Variants in DZIP1L observed in about 807,000 individuals in gnomAD.
DZIP1L encodes DAZ interacting zinc finger protein 1 like.
Under a neutral mutation model 88.7 loss-of-function variants are expected in DZIP1L, and 90 were observed. The ratio of observed to expected loss-of-function variants is 1.02; its 90% confidence interval spans 0.86 to 1.21. The LOEUF (loss-of-function observed/expected upper bound fraction) is 1.21, where lower values mean the gene tolerates loss of function less well. Ranked by LOEUF, DZIP1L falls within the 50% of genes most tolerant of loss-of-function variation. DZIP1L has a pLI of 0.00. For missense variants in DZIP1L, 932 were observed against 955.8 expected (o/e 0.98, Z 0.33); for synonymous variants, 363 against 372.1 (o/e 0.98, Z 0.28).
At position 138,067,640 on chromosome 3, in the gene DZIP1L, T is replaced by C. The variant is rs1942969814; in HGVS notation, c.1893A>G (p.Leu631=). Residue 631 remains leucine, a synonymous_variant, in exon 14 of 16, where the codon CTA becomes CTG. Coordinates refer to ENST00000327532, the MANE Select transcript of DZIP1L (RefSeq NM_173543.3). The part of the protein sequence containing the change: ...SEGDRVQRVS[L]QPPKVPSRMV... Reference sequence around the variant, plus strand: ...TCCTGGAAGGAACTTTTGGGGGCTGTAGAGACACACGCTGCACACGGTCTC... The same window carrying C: ...TCCTGGAAGGAACTTTTGGGGGCTGCAGAGACACACGCTGCACACGGTCTC... The C allele has an allele frequency of 1.2e-6, 2 of 1,610,532 alleles. No homozygotes were observed. The highest frequency in any genetic ancestry group is 1.7e-6 in the Non-Finnish European group (2 of 1,178,382).
At chr3:138,109,482 C>A (rs552358886) in intron 1 of DZIP1L, among the ~76,000 whole-genome samples, 49 of 152,240 alleles carry the variant, frequency 3.2e-4, no homozygotes, top group African/African-American at 1.0e-3. Flanking sequence ...TGTTTCAAGG[C>A]CCTGCTTATA....
Position 138,086,991 on chromosome 3 carries a change from C to T in DZIP1L, c.1032G>A (p.Leu344=). Residue 344 remains leucine, a synonymous_variant, in exon 7 of 16, where the codon CTG becomes CTA. Coordinates refer to ENST00000327532, the MANE Select transcript of DZIP1L (RefSeq NM_173543.3). ...KTEWKRKVKE[L]HEEHMAEKKE... ...TCTTCTCAGCCATGTGCTCTTCATG[C>T]AGTTCCTTCACTTTTCTTTTCCACT... is the stretch of plus-strand genomic sequence containing the variant. 1.2e-6 allele frequency: 2 copies of T among 1,614,098 alleles called. No homozygotes were observed. Among genetic ancestry groups the T allele is most frequent in the South Asian group, 1.1e-5 (1 of 91,056 alleles).
At chr3:138,093,136 T>C (rs1382289430) in intron 4 of DZIP1L, among the ~76,000 whole-genome samples, 1 of 152,212 alleles carries the variant, frequency 6.6e-6, no homozygotes, top group Non-Finnish European at 1.5e-5. Context: ...TCTTAAATAA[T>C]AAAACTTGGA....
chr3:138,105,022 ATG>A (rs990562940), intron 1 of DZIP1L, among the ~76,000 whole-genome samples: 25 of 152,332 alleles, frequency 1.6e-4, no homozygotes, highest in Middle Eastern at 6.8e-3. Flanking sequence ...GCAAAGTACA[ATG>A]TATCTCTATG....
In DZIP1L at chr3:138,101,862, C is replaced by T. The variant is rs1475299790; in HGVS notation, c.501+1609G>A. 2.9e-6 allele frequency: 4 copies of T among 1,375,060 alleles called. No individual in the cohort carries two copies. In the African/African-American group the frequency reaches 4.3e-5, roughly 15 times the overall value. 85.2% of individuals were successfully genotyped at this position (1,375,060 alleles called of 1,614,324 possible). ...CCTGCTTGGCCCGCTGCAGGGCGCCCTCCAGCTCGGACAGCTTGGCGTTGG... is the reference window on the plus strand; with the variant it reads ...CCTGCTTGGCCCGCTGCAGGGCGCCTTCCAGCTCGGACAGCTTGGCGTTGG... On this transcript the variant is annotated intron_variant, in intron 2 of 15. Transcript: ENST00000327532.
intron 10 of DZIP1L, among the ~76,000 whole-genome samples, chr3:138,078,244 T>C (rs1943502186): frequency 6.6e-6 from 1 of 152,184 alleles, no homozygotes; most frequent in South Asian, 2.1e-4. Context: ...CCTCCTACGG[T>C]GTTCTTCAGG....
chr3:138,113,423 G>GTCTC (rs1381583328), intron 1 of DZIP1L: 2 of 152,186 alleles, frequency 1.3e-5, no homozygotes, highest in Non-Finnish European at 2.9e-5. Context: ...GCAGTCAAGA[G>GTCTC]GAGAACTTGA....
intron 5 of DZIP1L, chr3:138,088,808 C>T: frequency 9.7e-7 from 1 of 1,032,402 alleles, no homozygotes; most frequent in Non-Finnish European, 1.2e-6. Flanking sequence ...TGACTGCTGC[C>T]CCATTTCTTC....
intron 2 of DZIP1L, chr3:138,102,411 C>T: frequency 7.3e-7 from 1 of 1,378,260 alleles, no homozygotes; most frequent in African/African-American, 1.4e-5. Flanking sequence ...CACCCAGCCC[C>T]TGCATGTTGC....
chr3:138,105,150 T>C (rs1430147467), intron 1 of DZIP1L, among the ~76,000 whole-genome samples: 4 of 152,074 alleles, frequency 2.6e-5, no homozygotes, highest in Non-Finnish European at 4.4e-5. Flanking sequence ...CATATATACC[T>C]CTATTTCTGT....
At chr3:138,100,211 G>A (rs1172953624) in intron 2 of DZIP1L, among the ~76,000 whole-genome samples, 1 of 152,204 alleles carries the variant, frequency 6.6e-6, no homozygotes, top group East Asian at 1.9e-4. Flanking sequence ...AATGGCCAAT[G>A]ATTTAATCAA....
chr3:138,081,588 G>T, intron 9 of DZIP1L, 146 bp downstream of exon 9: 2 of 740,334 alleles, frequency 2.7e-6, no homozygotes, highest in Non-Finnish European at 2.1e-6. Flanking sequence ...TGCAGCCTGT[G>T]TGGCCCAGAA....
Position 138,103,611 on chromosome 3 carries a change from G to T in DZIP1L, c.361C>A (p.Gln121Lys). Residue 121 changes from glutamine to lysine, a missense_variant, in exon 2 of 16, where the codon CAG (glutamine) becomes AAG (lysine). Gln to Lys is a moderately conservative substitution (Grantham distance 53). Transcript: ENST00000327532. ...AGCTCCTGCTGACCACGCTGCTGCT[G>T]GCCCAGGCTGGTCTGCAGCCGTGCC... The part of the protein sequence containing the change: ...LEARLQTSLG[Q>K]QQRGQQELGR... 6.2e-7 allele frequency: 1 copy of T among 1,606,460 alleles called. No individual in the cohort carries two copies. The highest frequency in any genetic ancestry group is 8.5e-7 in the Non-Finnish European group (1 of 1,179,216).
chr3:138,062,281 C>T lies in DZIP1L; in HGVS notation c.*535G>A, dbSNP rs1942741794. 6.5e-6 allele frequency: 1 copy of T among 154,164 alleles called. No individual in the cohort carries two copies. The highest frequency in any genetic ancestry group is 1.4e-5 in the Non-Finnish European group (1 of 69,282). 9.5% of individuals were successfully genotyped at this position (154,164 alleles called of 1,614,324 possible). ...CCTGTTCTCTGTCACTAGATTACTA[C>T]CTTGTGCTGGCACTGGCTGTAAACA... On this transcript the variant is annotated 3_prime_UTR_variant, in exon 16 of 16. Transcript: ENST00000327532.
chr3:138,102,509 C>T (rs1375181711), intron 2 of DZIP1L: 16 of 1,328,898 alleles, frequency 1.2e-5, no homozygotes, highest in Non-Finnish European at 1.7e-5. Flanking sequence ...ACATGTTGTC[C>T]ATGTTAACTC....
In DZIP1L at chr3:138,084,156, TG is replaced by T. The variant is rs747452104; in HGVS notation, c.1159del (p.Gln387SerfsTer15). The T allele has an allele frequency of 6.2e-7, 1 of 1,614,168 alleles. No individual in the cohort carries two copies. Among genetic ancestry groups the T allele is most frequent in the Non-Finnish European group, 8.5e-7 (1 of 1,180,000 alleles). On this transcript the variant is annotated frameshift_variant, in exon 8 of 16. Transcript: ENST00000327532. LOFTEE classifies it high-confidence loss of function. ...SQCQISTLRA[Q>X]LQEQARIIAS... Reference sequence around the variant, plus strand: ...AATGATCCTAGCTTGTTCCTGCAGCTGGGCACGGAGGGTGCTGATCTGGCAC... The same window carrying T: ...AATGATCCTAGCTTGTTCCTGCAGCTGGCACGGAGGGTGCTGATCTGGCAC...
rs1135402754 is a variant in DZIP1L at position 138,103,699 on chromosome 3, C to G, written c.273G>C (p.Gln91His). Residue 91 changes from glutamine to histidine, a missense_variant, in exon 2 of 16, where the codon CAG becomes CAC. By Grantham distance (24) the Gln-to-His change is conservative (BLOSUM62 0). Transcript: ENST00000327532. ...PALLKVLRLAQLIIEYLLHCQ... is the reference protein window; with the variant it reads ...PALLKVLRLAHLIIEYLLHCQ... ...AGTGCAGCAGGTACTCAATGATGAG[C>G]TGCGCCAGGCGCAGCACCTTGAGCA... 6.2e-7 allele frequency: 1 copy of G among 1,612,508 alleles called. No homozygotes were observed. Among genetic ancestry groups the G allele is most frequent in the African/African-American group, 1.3e-5 (1 of 75,070 alleles).
intron 12 of DZIP1L, among the ~76,000 whole-genome samples, chr3:138,070,547 G>T (rs1357145549): frequency 6.6e-6 from 1 of 152,150 alleles, no homozygotes; most frequent in Non-Finnish European, 1.5e-5. Context: ...ACTTGTCCAA[G>T]TAATAATTTC....
At chr3:138,065,073 G>A (rs1012307644) in intron 14 of DZIP1L, among the ~76,000 whole-genome samples, 25 of 152,314 alleles carry the variant, frequency 1.6e-4, no homozygotes, top group African/African-American at 5.5e-4. Flanking sequence ...CTCAGTGTGG[G>A]GAATGAACTG....
Sources: gnomAD v4.1 joint callset for allele counts (sites outside exome capture counted in the v4.1 genomes callset) on GRCh38, gnomAD v4.1.1 for gene constraint, MANE v1.5 for transcripts, NCBI Gene and HGNC (gene_info 2026-07-23, HGNC 2026-07-21) for gene names.